The following GCNT2 variants were observed in gnomAD, a reference collection of about 807,000 sequenced individuals.
GCNT2 encodes the protein N-acetyllactosaminide beta-1,6-N-acetylglucosaminyl-transferase.
Under a neutral mutation model 34.2 loss-of-function variants are expected in GCNT2, and 34 were observed. That is an observed-to-expected ratio of 1.00 (90% CI 0.76 to 1.32). The LOEUF (loss-of-function observed/expected upper bound fraction) is 1.32, where lower values mean the gene tolerates loss of function less well. Among genes scored for constraint, GCNT2 ranks in the 40% most tolerant of loss-of-function variants. GCNT2 has a pLI of 0.00. For synonymous variants in GCNT2, 212 were observed against 188.0 expected (o/e 1.13, Z -1.04); for missense variants, 584 against 489.4 (o/e 1.19, Z -1.82).
At chr6:10,598,841 TTC>T (rs1349762126) in intron 3 of GCNT2, among the ~76,000 whole-genome samples, 2 of 152,184 alleles carry the variant, frequency 1.3e-5, no homozygotes, top group African/African-American at 4.8e-5. Context: ...GCTAATTATG[TTC>T]TCTCTCTGAT....
intron 3 of GCNT2, among the ~76,000 whole-genome samples, chr6:10,536,343 T>G (rs148371792): frequency 2.0e-5 from 3 of 151,994 alleles, no homozygotes; most frequent in African/African-American, 7.2e-5. Context: ...GCCAGAAATA[T>G]CGGTTTTTGT....
intron 3 of GCNT2, among the ~76,000 whole-genome samples, chr6:10,596,734 T>TAA (rs71548853): frequency 6.3e-5 from 9 of 143,836 alleles, no homozygotes; most frequent in Non-Finnish European, 7.6e-5. Context: ...TTTCCTCTAT[T>TAA]AAAAAAAAAA....
intron 3 of GCNT2, chr6:10,555,894 C>A (rs879736803): frequency 2.0e-6 from 2 of 996,734 alleles, no homozygotes; most frequent in Non-Finnish European, 2.4e-6. Flanking sequence ...GCTGAGAGGC[C>A]AGGCTGTGGA....
chr6:10,554,902 G>C (rs1417376854), intron 3 of GCNT2, among the ~76,000 whole-genome samples: 1 of 152,148 alleles, frequency 6.6e-6, no homozygotes, highest in East Asian at 1.9e-4. Flanking sequence ...TGTAAACAAT[G>C]AAAGTTAGAA....
chr6:10,535,448 T>C (rs1761711518), intron 3 of GCNT2, among the ~76,000 whole-genome samples: 1 of 152,236 alleles, frequency 6.6e-6, no homozygotes, highest in East Asian at 1.9e-4. Flanking sequence ...GCATGCCTTT[T>C]AGTTTCTTGT....
At chr6:10,600,845 C>A (rs1319498003) in intron 3 of GCNT2, among the ~76,000 whole-genome samples, 5 of 152,096 alleles carry the variant, frequency 3.3e-5, no homozygotes, top group African/African-American at 1.2e-4. Flanking sequence ...TGGCTTATTG[C>A]AGTGGTGCAA....
At chr6:10,621,263 T>C in intron 3 of GCNT2, 88 bp from the exon 4 acceptor site, 1 of 837,208 alleles carries the variant, frequency 1.2e-6, no homozygotes, top group Middle Eastern at 2.2e-4. Context: ...TGAAAGAAAG[T>C]AAGCCTGACT....
chr6:10,600,678 T>G (rs963568418), intron 3 of GCNT2, among the ~76,000 whole-genome samples: 10 of 152,208 alleles, frequency 6.6e-5, no homozygotes, highest in African/African-American at 1.9e-4. Flanking sequence ...TGCTGCTTCT[T>G]CTTTCTTTTC....
In GCNT2 at chr6:10,570,224, G is replaced by A. The variant is rs140088054; in HGVS notation, c.925+40388G>A. ...TGTCGGGATTACAGGCATTAGCCACGGCACCCAGCATGTGGCATTCTTTCT... is the reference window on the plus strand; with the variant it reads ...TGTCGGGATTACAGGCATTAGCCACAGCACCCAGCATGTGGCATTCTTTCT... On this transcript the variant is annotated intron_variant, in intron 3 of 4. Transcript: ENST00000495262. Among the ~76,000 whole-genome samples, 400 of 152,238 alleles carry A rather than the reference G, an allele frequency of 2.6e-3. 1 individual carries two copies. Among genetic ancestry groups the A allele is most frequent in the South Asian group, 9.7e-3 (47 of 4,822 alleles).
At chr6:10,557,061 T>C (rs1394994918) in intron 3 of GCNT2, 3 of 1,607,814 alleles carry the variant, frequency 1.9e-6, no homozygotes, top group Non-Finnish European at 1.7e-6. Context: ...GGTAAAAATA[T>C]CACCCCAGGG....
At chr6:10,540,595 T>G (rs1761997804) in intron 3 of GCNT2, among the ~76,000 whole-genome samples, 1 of 152,124 alleles carries the variant, frequency 6.6e-6, no homozygotes, top group African/African-American at 2.4e-5. Context: ...ACCTAATGAT[T>G]GGCCCAGGAC....
At chr6:10,581,755 C>T (rs1764076539) in intron 3 of GCNT2, 1 of 985,192 alleles carries the variant, frequency 1.0e-6, no homozygotes, top group African/African-American at 1.7e-5. Flanking sequence ...CCGACTGAAC[C>T]TGCAATAGAA....
At chr6:10,589,630 G>A (rs942797717) in intron 3 of GCNT2, among the ~76,000 whole-genome samples, 4 of 152,102 alleles carry the variant, frequency 2.6e-5, no homozygotes, top group Admixed American at 6.6e-5. Context: ...AGAAGCTGGG[G>A]AGTAAGAAGC....
chr6:10,607,798 G>A (rs1048785352), intron 3 of GCNT2, among the ~76,000 whole-genome samples: 6 of 152,028 alleles, frequency 3.9e-5, no homozygotes, highest in African/African-American at 1.4e-4. Context: ...CCATTCAGAG[G>A]GTTTTAAGTA....
chr6:10,540,655 G>C (rs1467151372), intron 3 of GCNT2, among the ~76,000 whole-genome samples: 1 of 152,156 alleles, frequency 6.6e-6, no homozygotes, highest in Admixed American at 6.5e-5. Flanking sequence ...ATATCACTTT[G>C]CATGAGGAAC....
At chr6:10,571,639 C>T (rs1417860070) in intron 3 of GCNT2, among the ~76,000 whole-genome samples, 1 of 152,304 alleles carries the variant, frequency 6.6e-6, no homozygotes, top group Admixed American at 6.5e-5. Flanking sequence ...AGGTGTGTGC[C>T]ACCGCACCAA....
At chr6:10,521,485 G>T (rs1290576387) in intron 1 of GCNT2, 68 bp downstream of exon 1, 1 of 152,630 alleles carries the variant, frequency 6.6e-6, no homozygotes, top group East Asian at 1.9e-4. Context: ...GTCTTCTCGT[G>T]TTACCTCTGT....
chr6:10,523,982 A>AAG (rs1761059968), intron 1 of GCNT2, among the ~76,000 whole-genome samples: 1 of 150,804 alleles, frequency 6.6e-6, no homozygotes, highest in East Asian at 1.9e-4. Flanking sequence ...CAAAAAAAAA[A>AAG]AAAAAAAAAA....
chr6:10,563,243 A>G (rs1763090507), intron 3 of GCNT2, among the ~76,000 whole-genome samples: 1 of 152,176 alleles, frequency 6.6e-6, no homozygotes, highest in Non-Finnish European at 1.5e-5. Flanking sequence ...AGTGGATACA[A>G]CATTAACCAT....
Sources: allele counts gnomAD v4.1 joint callset (sites outside exome capture counted in the v4.1 genomes callset), GRCh38; gene constraint gnomAD v4.1.1; transcripts MANE v1.5; gene names NCBI Gene and HGNC (gene_info 2026-07-23, HGNC 2026-07-21).